The following MTA3 variants were observed in gnomAD, a reference collection of about 807,000 sequenced individuals.
MTA3 encodes metastasis-associated protein MTA3.
MTA3 carries 34 observed loss-of-function variants against 83.5 expected under a neutral mutation model. The observed-to-expected ratio is 0.41, with a 90% CI of 0.31 to 0.54. The LOEUF (loss-of-function observed/expected upper bound fraction) is 0.54, where lower values mean the gene tolerates loss of function less well. Among genes scored for constraint, MTA3 ranks in the 20% least tolerant of loss-of-function variants. The probability of loss-of-function intolerance (pLI) is 0.33; values close to 1 mark genes in which losing one functional copy is unlikely to be tolerated. For synonymous variants in MTA3, 303 were observed against 252.7 expected, an observed-to-expected ratio of 1.20 and a Z score of -1.89; for missense variants, 761 against 726.4, an observed-to-expected ratio of 1.05 and a Z score of -0.55.
chr2:42,603,140 G>T, intron 3 of MTA3, among the ~76,000 whole-genome samples: 1 of 151,178 alleles, frequency 6.6e-6, no homozygotes, highest in African/African-American at 2.4e-5. Flanking sequence ...GGGGTAGGGT[G>T]GAAGGGAGAA....
intron 8 of MTA3, among the ~76,000 whole-genome samples, chr2:42,668,264 T>G (rs1690475912): frequency 6.6e-6 from 1 of 152,220 alleles, no homozygotes; most frequent in Admixed American, 6.5e-5. Flanking sequence ...CATTAGCTGC[T>G]CAGGTTGGCT....
intron 4 of MTA3, among the ~76,000 whole-genome samples, chr2:42,616,767 C>T (rs1420884381): frequency 2.0e-5 from 3 of 151,554 alleles, no homozygotes; most frequent in East Asian, 2.0e-4. Flanking sequence ...TTTGTAGAGA[C>T]GGGGTTTCGT....
intron 2 of MTA3, among the ~76,000 whole-genome samples, chr2:42,536,119 CAA>C (rs777611979): frequency 1.5e-4 from 17 of 113,716 alleles, no homozygotes; most frequent in Admixed American, 1.8e-4. Flanking sequence ...CTCTCTCTCT[CAA>C]AAAAAAAAAA....
chr2:42,752,083 T>G (rs965335118), intron 16 of MTA3, among the ~76,000 whole-genome samples: 1 of 152,174 alleles, frequency 6.6e-6, no homozygotes. Context: ...CTGCTGAAGG[T>G]TAAATAAGGT....
intron 9 of MTA3, among the ~76,000 whole-genome samples, chr2:42,690,761 G>A (rs903083428): frequency 1.0e-4 from 15 of 149,230 alleles, no homozygotes; most frequent in African/African-American, 3.4e-4. Context: ...TGTAGCTTCC[G>A]CCTGCCAGGT....
chr2:42,551,797 G>A (rs1398160674), intron 2 of MTA3, among the ~76,000 whole-genome samples: 9 of 151,352 alleles, frequency 5.9e-5, no homozygotes, highest in Non-Finnish European at 1.2e-4. Context: ...GTGCGATCTC[G>A]GCTCACTGCA....
intron 6 of MTA3, among the ~76,000 whole-genome samples, chr2:42,653,186 G>T (rs1688870418): frequency 6.6e-6 from 1 of 152,140 alleles, no homozygotes; most frequent in Non-Finnish European, 1.5e-5. Context: ...CATTTAGTTG[G>T]GAAATACATT....
chr2:42,577,135 A>ATATATATATATATAT (rs1558451263), intron 2 of MTA3, among the ~76,000 whole-genome samples: 2 of 93,988 alleles, frequency 2.1e-5, no homozygotes, highest in Admixed American at 1.4e-4. Context: ...TATATATATA[A>ATATATATATATATAT]AAATGAACTC....
intron 11 of MTA3, chr2:42,702,775 G>C (rs1665701351): frequency 6.6e-6 from 1 of 152,238 alleles, no homozygotes; most frequent in Non-Finnish European, 1.5e-5. Flanking sequence ...TACCTGTGCA[G>C]TGTTCTGGGG....
intron 2 of MTA3, among the ~76,000 whole-genome samples, chr2:42,558,367 A>G (rs547457079): frequency 4.0e-5 from 6 of 150,666 alleles, no homozygotes; most frequent in African/African-American, 1.5e-4. Context: ...CAGCCTCCCA[A>G]GTAGCTGGGA....
intron 16 of MTA3, among the ~76,000 whole-genome samples, chr2:42,725,342 C>T (rs188252480): frequency 3.9e-5 from 6 of 152,334 alleles, no homozygotes; most frequent in Non-Finnish European, 7.3e-5. Context: ...GATTCCCACT[C>T]AGATGTGACT....
At chr2:42,533,604 T>C (rs1312920734) in intron 2 of MTA3, among the ~76,000 whole-genome samples, 10 of 140,482 alleles carry the variant, frequency 7.1e-5, no homozygotes, top group African/African-American at 2.4e-4. Context: ...GAGGCCGAGG[T>C]GGGCGGATCA....
intron 6 of MTA3, among the ~76,000 whole-genome samples, chr2:42,645,335 G>A (rs958929257): frequency 6.6e-6 from 1 of 152,064 alleles, no homozygotes; most frequent in Non-Finnish European, 1.5e-5. Flanking sequence ...GACCAGCCTG[G>A]CCAACATGGT....
At chr2:42,598,512 A>C (rs1682127885) in intron 3 of MTA3, among the ~76,000 whole-genome samples, 1 of 152,068 alleles carries the variant, frequency 6.6e-6, no homozygotes, top group South Asian at 2.1e-4. Flanking sequence ...AACCCTCTGT[A>C]TTTTTTGGTT....
At chr2:42,687,083 C>T (rs191556375) in intron 9 of MTA3, among the ~76,000 whole-genome samples, 2 of 152,246 alleles carry the variant, frequency 1.3e-5, no homozygotes, top group East Asian at 1.9e-4. Context: ...GCTGAGATCG[C>T]GCCACTGCAC....
At chr2:42,668,939 T>C (rs1246218029) in intron 8 of MTA3, among the ~76,000 whole-genome samples, 1 of 152,206 alleles carries the variant, frequency 6.6e-6, no homozygotes, top group Non-Finnish European at 1.5e-5. Context: ...AACAGTATTA[T>C]TATTCTTCAG....
At chr2:42,662,390 A>C (rs969153222) in intron 8 of MTA3, among the ~76,000 whole-genome samples, 2 of 151,498 alleles carry the variant, frequency 1.3e-5, no homozygotes, top group South Asian at 2.1e-4. Context: ...AGTTTTCTTC[A>C]TATTTAGGAC....
chr2:42,579,001 G>T (rs1003175179), intron 2 of MTA3, 106 bp from the exon 3 acceptor site: 3 of 693,816 alleles, frequency 4.3e-6, no homozygotes, highest in Non-Finnish European at 7.0e-6. Context: ...GTTGGCACCA[G>T]TGTTAATGAG....
intron 3 of MTA3, among the ~76,000 whole-genome samples, chr2:42,587,746 C>T (rs553041072): frequency 4.6e-5 from 7 of 152,096 alleles, no homozygotes; most frequent in South Asian, 4.2e-4. Flanking sequence ...GGATCACAGG[C>T]GTGCCCCACC....
Sources: allele counts gnomAD v4.1 joint callset (sites outside exome capture counted in the v4.1 genomes callset), GRCh38; gene constraint gnomAD v4.1.1; transcripts MANE v1.5; gene names NCBI Gene and HGNC (gene_info 2026-07-23, HGNC 2026-07-21).